GALNT2: variants seen among roughly 807,000 people sequenced by gnomAD.
GALNT2 encodes polypeptide N-acetylgalactosaminyltransferase 2, also known as UDP-GalNAc:polypeptide N-acetylgalactosaminyltransferase 2.
Under a neutral mutation model 81.4 loss-of-function variants are expected in GALNT2, and 31 were observed. The ratio of observed to expected loss-of-function variants is 0.38; its 90% CI spans 0.29 to 0.51. GALNT2 has a LOEUF of 0.51. GALNT2 is among the 20% of genes least tolerant of loss of function. GALNT2 has a pLI of 0.87. For missense variants in GALNT2, 629 were observed against 765.7 expected (o/e 0.82, Z 2.11); for synonymous variants, 303 against 287.4 (o/e 1.05, Z -0.55).
At chr1:230,266,257 G>A (rs1175601390) in intron 14 of GALNT2, among the ~76,000 whole-genome samples, 1 of 152,186 alleles carries the variant, frequency 6.6e-6, no homozygotes, top group Non-Finnish European at 1.5e-5. Flanking sequence ...TCATTGCAAA[G>A]GAGAGACAAA....
intron 12 of GALNT2, 106 bp from the exon 13 acceptor site, chr1:230,262,816 C>A: frequency 1.5e-6 from 2 of 1,324,830 alleles, no homozygotes; most frequent in Non-Finnish European, 2.2e-6. Flanking sequence ...GTCCACACCA[C>A]ACCACCTGCC....
Position 230,275,127 on chromosome 1 carries a change from T to TAC in GALNT2, c.1560+568_1560+569dup, listed in dbSNP as rs1361897864. ...CACACCACATATATATACATATATA[T>TAC]ACACACCACATATACATATATACAC... On this transcript the variant is annotated intron_variant, in intron 15 of 15. Coordinates refer to ENST00000366672, the MANE Select transcript of GALNT2 (RefSeq NM_004481.5). The surrounding 1 kb of genome is among the most constrained non-coding windows in gnomAD (Gnocchi z 5.5). Among the ~76,000 whole-genome samples, 2 of 149,288 alleles carry TAC rather than the reference T, an allele frequency of 1.3e-5. No individual in the cohort carries two copies. Among genetic ancestry groups the TAC allele is most frequent in the Non-Finnish European group, 3.0e-5 (2 of 67,692 alleles).
At chr1:230,179,627 G>A (rs750604549) in intron 2 of GALNT2, among the ~76,000 whole-genome samples, 3 of 151,998 alleles carry the variant, frequency 2.0e-5, no homozygotes, top group Admixed American at 6.6e-5. Flanking sequence ...CTCCTTTTGC[G>A]CATTTTTAAT....
chr1:230,163,605 G>A (rs904398221), intron 1 of GALNT2, among the ~76,000 whole-genome samples: 1 of 152,168 alleles, frequency 6.6e-6, no homozygotes, highest in African/African-American at 2.4e-5. Flanking sequence ...CTATTGCTAC[G>A]AGCTCCAGAG....
In GALNT2 at chr1:230,109,992, A is replaced by G. The variant is rs113068259; in HGVS notation, c.126+42586A>G. ...CTGTTTCCTGTCACGCAGATCAGAG[A>G]TGTGAAACAGACCTGGTGTACACCC... On this transcript the variant is annotated intron_variant, in intron 1 of 15. Coordinates refer to ENST00000366672, the MANE Select transcript of GALNT2 (RefSeq NM_004481.5). Among the ~76,000 whole-genome samples, 1,080 of 152,286 alleles carry G rather than the reference A, an allele frequency of 7.1e-3. 6 individuals are homozygous for G. The highest frequency in any genetic ancestry group is 0.012 in the Non-Finnish European group (829 of 68,020).
At chr1:230,119,763 G>T (rs910421691) in intron 1 of GALNT2, among the ~76,000 whole-genome samples, 5 of 152,010 alleles carry the variant, frequency 3.3e-5, no homozygotes, top group Non-Finnish European at 7.4e-5. Flanking sequence ...CTTTTTGCTT[G>T]TTTGGTTTTA....
At chr1:230,156,366 A>G (rs1356685175) in intron 1 of GALNT2, among the ~76,000 whole-genome samples, 1 of 152,086 alleles carries the variant, frequency 6.6e-6, no homozygotes, top group Admixed American at 6.5e-5. Flanking sequence ...GTGTCATTTT[A>G]GGCCTGTTTC....
At chr1:230,117,552 A>G (rs1301531807) in intron 1 of GALNT2, among the ~76,000 whole-genome samples, 3 of 152,196 alleles carry the variant, frequency 2.0e-5, no homozygotes, top group Non-Finnish European at 2.9e-5. Context: ...GTATCGTGGT[A>G]TCGCAGGGAA....
intron 1 of GALNT2, among the ~76,000 whole-genome samples, chr1:230,069,507 G>A (rs1659310419): frequency 6.6e-6 from 1 of 152,168 alleles, no homozygotes; most frequent in African/African-American, 2.4e-5. Context: ...TGAAATTGCA[G>A]TGGAAGACTC....
In GALNT2 at chr1:230,122,516, A is replaced by G. The variant is rs1341557041; in HGVS notation, c.126+55110A>G. The stretch of plus-strand genomic sequence containing the variant: ...AGGCCTCTGTCAGTGTTTAGCTTAC[A>G]TTTCTTGGGTGTATCTTTTTGACAA... On this transcript the variant is annotated intron_variant, in intron 1 of 15. Transcript: ENST00000366672. Among the ~76,000 whole-genome samples the G allele has an allele frequency of 2.6e-5, 4 of 152,068 alleles. No individual in the cohort carries two copies. In the South Asian group the frequency reaches 8.3e-4, roughly 32 times the overall value.
rs1346800254 is a variant in GALNT2 at position 230,275,562 on chromosome 1, A to G, written c.1560+998A>G. On this transcript the variant is annotated intron_variant, in intron 15 of 15. Transcript: ENST00000366672. This position sits in a 1 kb window ranked among gnomAD's most constrained non-coding sequence, Gnocchi z 5.5. ...ATATACATATATAAACGCCACATAT[A>G]TATACATATAAACACACCATATATA... Among the ~76,000 whole-genome samples the G allele has an allele frequency of 1.3e-5, 2 of 151,638 alleles. No homozygotes were observed. The highest frequency in any genetic ancestry group is 2.4e-5 in the African/African-American group (1 of 41,284).
intron 1 of GALNT2, among the ~76,000 whole-genome samples, chr1:230,086,851 T>C (rs1659913325): frequency 6.6e-6 from 1 of 152,192 alleles, no homozygotes; most frequent in African/African-American, 2.4e-5. Context: ...TGCTGAGCTT[T>C]GGAGTCATGG....
intron 1 of GALNT2, among the ~76,000 whole-genome samples, chr1:230,058,564 G>A (rs990255001): frequency 7.9e-5 from 12 of 152,206 alleles, no homozygotes; most frequent in African/African-American, 2.9e-4. Context: ...ACAGCACCCT[G>A]CTATAAAACT....
chr1:230,067,382 C>A lies in GALNT2; in HGVS notation c.102C>A (p.Gly34=). The A allele has an allele frequency of 1.6e-6, 2 of 1,282,000 alleles. No homozygotes were observed. The highest frequency in any genetic ancestry group is 2.4e-5 in the South Asian group (1 of 41,130). 79.4% of individuals were successfully genotyped at this position (1,282,000 alleles called of 1,614,324 possible). The change falls in exon 1 of 16, where the codon GGC becomes GGA. Residue 34 remains glycine, a synonymous_variant. Transcript: ENST00000366672. ...YSGGGSALAG[G]AGGGAGRKED... is the part of the protein sequence containing the mutation. ...GGGGCGGCTCTGCGCTGGCCGGGGG[C>A]GCGGGCGGCGGCGCCGGCAGGAAGG...
intron 1 of GALNT2, among the ~76,000 whole-genome samples, chr1:230,128,741 T>C (rs1285994306): frequency 6.6e-6 from 1 of 152,140 alleles, no homozygotes; most frequent in Non-Finnish European, 1.5e-5. Context: ...CCTTCCTTGC[T>C]CCAGTCTCCT....
At chr1:230,238,922 T>C (rs898496728) in intron 6 of GALNT2, among the ~76,000 whole-genome samples, 1 of 152,176 alleles carries the variant, frequency 6.6e-6, no homozygotes, top group Non-Finnish European at 1.5e-5. Flanking sequence ...ATTTTAATTA[T>C]TTCTTTTTTA....
At chr1:230,127,721 C>T (rs55979588) in intron 1 of GALNT2, among the ~76,000 whole-genome samples, 13,661 of 147,558 alleles carry the variant, frequency 0.093, 1,614 homozygotes, top group East Asian at 0.33. Flanking sequence ...GTGAGCCCCT[C>T]GCGGTGGTGG....
chr1:230,236,754 A>G (rs1224995157), intron 6 of GALNT2, 29 bp downstream of exon 6: 4 of 1,590,106 alleles, frequency 2.5e-6, no homozygotes, highest in East Asian at 4.5e-5. Context: ...CAGCGCCAAG[A>G]CAGTTGAATT....
At chr1:230,149,007 ACTAG>A (rs1331832439) in intron 1 of GALNT2, among the ~76,000 whole-genome samples, 2 of 151,574 alleles carry the variant, frequency 1.3e-5, no homozygotes, top group Non-Finnish European at 2.9e-5. Flanking sequence ...CAGCCATCTG[ACTAG>A]CTGGGACCAC....
Sources: allele counts gnomAD v4.1 joint callset (sites outside exome capture counted in the v4.1 genomes callset), GRCh38; gene constraint gnomAD v4.1.1; non-coding constraint Gnocchi (gnomAD v3.1); transcripts MANE v1.5; gene names NCBI Gene and HGNC (gene_info 2026-07-23, HGNC 2026-07-21).